DOK6: variants seen among roughly 807,000 people sequenced by gnomAD.
DOK6 encodes the protein downstream of tyrosine kinase 6.
In DOK6, 22 loss-of-function variants were observed where a neutral mutation model predicts 44.0. The ratio of observed to expected loss-of-function variants is 0.50; its 90% CI spans 0.36 to 0.71. The LOEUF is 0.71. DOK6 is among the 30% of genes least tolerant of loss of function. The pLI is 0.00. For synonymous variants in DOK6, 166 were observed against 145.5 expected (o/e 1.14, Z -1.01); for missense variants, 340 against 416.4 (o/e 0.82, Z 1.60).
At chr18:69,773,377 C>T (rs926462962) in intron 7 of DOK6, among the ~76,000 whole-genome samples, 6 of 151,722 alleles carry the variant, frequency 4.0e-5, no homozygotes, top group African/African-American at 7.3e-5. Context: ...GATCTCGAAG[C>T]GATATTAGCA....
intron 7 of DOK6, among the ~76,000 whole-genome samples, chr18:69,764,744 C>A (rs1057343287): frequency 6.6e-6 from 1 of 152,136 alleles, no homozygotes. Flanking sequence ...CACAAAATAA[C>A]GTGGAATATA....
At chr18:69,769,247 A>G (rs1979816483) in intron 7 of DOK6, among the ~76,000 whole-genome samples, 1 of 152,078 alleles carries the variant, frequency 6.6e-6, no homozygotes. Context: ...AAAATTTCTT[A>G]CTGACAATTA....
chr18:69,703,946 C>T (rs1400055724), intron 5 of DOK6, among the ~76,000 whole-genome samples: 1 of 152,148 alleles, frequency 6.6e-6, no homozygotes, highest in Non-Finnish European at 1.5e-5. Flanking sequence ...GAGAAAGAAA[C>T]CTCTCAGTCC....
In DOK6 at chr18:69,541,238, A is replaced by G. The variant is rs538707256; in HGVS notation, c.67-23249A>G. The stretch of plus-strand genomic sequence containing the variant: ...AATTAGAATTGTAAGTTAAGCCACT[A>G]AAATTGCAGACTACTGTAATTTGCT... On this transcript the variant is annotated intron_variant, in intron 1 of 7. Coordinates refer to ENST00000382713, the MANE Select transcript of DOK6 (RefSeq NM_152721.6). Among the ~76,000 whole-genome samples the G allele has an allele frequency of 6.7e-4, 102 of 151,644 alleles. 1 individual carries two copies. Among genetic ancestry groups the G allele is most frequent in the African/African-American group, 2.3e-3 (96 of 41,512 alleles).
intron 1 of DOK6, among the ~76,000 whole-genome samples, chr18:69,466,198 A>C (rs1460918743): frequency 1.3e-5 from 2 of 152,108 alleles, no homozygotes; most frequent in Non-Finnish European, 2.9e-5. Flanking sequence ...CTTGGCAACC[A>C]CCATCCTACG....
chr18:69,504,324 C>T (rs1432837510), intron 1 of DOK6, among the ~76,000 whole-genome samples: 1 of 151,794 alleles, frequency 6.6e-6, no homozygotes, highest in African/African-American at 2.4e-5. Flanking sequence ...ATCTGACAAA[C>T]TATGAGCAAG....
chr18:69,475,477 A>G (rs186382496), intron 1 of DOK6, among the ~76,000 whole-genome samples: 419 of 152,312 alleles, frequency 2.8e-3, no homozygotes, highest in Non-Finnish European at 5.2e-3. Flanking sequence ...TTATCACAGA[A>G]TTGGCAAATA....
intron 7 of DOK6, among the ~76,000 whole-genome samples, chr18:69,779,354 C>G (rs1243573570): frequency 1.3e-5 from 2 of 151,868 alleles, no homozygotes; most frequent in Non-Finnish European, 1.5e-5. Flanking sequence ...CATATATGTC[C>G]CTGCACGCTC....
At chr18:69,835,488 A>AC (rs1568140735) in intron 7 of DOK6, among the ~76,000 whole-genome samples, 19 of 149,258 alleles carry the variant, frequency 1.3e-4, no homozygotes, top group African/African-American at 2.4e-4. Context: ...CAACAACAAA[A>AC]AAAAAAACAG....
chr18:69,835,316 T>G (rs936485471), intron 7 of DOK6, among the ~76,000 whole-genome samples: 16 of 151,728 alleles, frequency 1.1e-4, no homozygotes, highest in Non-Finnish European at 2.2e-4. Context: ...ACAAAAAAAA[T>G]TAGTTGGGTA....
At chr18:69,410,923 T>A (rs1978303228) in intron 1 of DOK6, among the ~76,000 whole-genome samples, 1 of 152,144 alleles carries the variant, frequency 6.6e-6, no homozygotes, top group African/African-American at 2.4e-5. Flanking sequence ...CTCATGGCTG[T>A]GAAAGACAGT....
In DOK6 at chr18:69,625,691, G is replaced by A. The variant is rs913911077; in HGVS notation, c.289+26193G>A. Among the ~76,000 whole-genome samples the A allele has an allele frequency of 2.0e-5, 3 of 152,186 alleles. No homozygotes were observed. In the East Asian group the frequency reaches 5.8e-4, roughly 29 times the overall value. ...CATTTAAGTATTTCCCATGTCAGCA[G>A]CAGCAATGTTCTTACTATTTATTGT... On this transcript the variant is annotated intron_variant, in intron 3 of 7. Coordinates refer to ENST00000382713, the MANE Select transcript of DOK6 (RefSeq NM_152721.6).
intron 3 of DOK6, among the ~76,000 whole-genome samples, chr18:69,618,873 TTC>T (rs1984373793): frequency 6.6e-6 from 1 of 152,190 alleles, no homozygotes; most frequent in East Asian, 1.9e-4. Context: ...TGAAAATTAT[TTC>T]TTTTTAAATA....
intron 1 of DOK6, among the ~76,000 whole-genome samples, chr18:69,523,952 T>C (rs1036846): frequency 0.61 from 92,911 of 151,302 alleles, 29,167 homozygotes; most frequent in Non-Finnish European, 0.69. Flanking sequence ...TAAAGCTTTT[T>C]CAAGTTCGTA....
chr18:69,728,330 T>TC (rs397706825), intron 5 of DOK6, among the ~76,000 whole-genome samples: 2 of 152,008 alleles, frequency 1.3e-5, no homozygotes, highest in African/African-American at 2.4e-5. Context: ...CTAATTTTTT[T>TC]CCCCACAGTC....
At chr18:69,766,316 A>G (rs1298888927) in intron 7 of DOK6, among the ~76,000 whole-genome samples, 1 of 152,166 alleles carries the variant, frequency 6.6e-6, no homozygotes, top group African/African-American at 2.4e-5. Context: ...GGGTGATGGG[A>G]TCAGTCGTAA....
intron 3 of DOK6, among the ~76,000 whole-genome samples, chr18:69,619,196 C>T (rs1984382876): frequency 6.6e-6 from 1 of 152,196 alleles, no homozygotes; most frequent in African/African-American, 2.4e-5. Context: ...GAACGCAATA[C>T]TCATGCATTT....
chr18:69,630,921 A>G (rs1984677253), intron 3 of DOK6, among the ~76,000 whole-genome samples: 1 of 152,198 alleles, frequency 6.6e-6, no homozygotes, highest in Non-Finnish European at 1.5e-5. Context: ...TAGATGCCCC[A>G]AGTAACTTGC....
At chr18:69,719,841 T>C (rs1455000827) in intron 5 of DOK6, among the ~76,000 whole-genome samples, 2 of 152,198 alleles carry the variant, frequency 1.3e-5, no homozygotes, top group African/African-American at 4.8e-5. Flanking sequence ...GGCAGTTTCA[T>C]AATCAGTACC....
Sources: allele counts gnomAD v4.1 joint callset (sites outside exome capture counted in the v4.1 genomes callset), GRCh38; gene constraint gnomAD v4.1.1; transcripts MANE v1.5; gene names NCBI Gene and HGNC (gene_info 2026-07-23, HGNC 2026-07-21).